Variants in AIFM3 observed in about 807,000 individuals in gnomAD.
AIFM3 encodes the protein apoptosis-inducing factor 3.
In AIFM3, 71 loss-of-function variants were observed where a neutral mutation model predicts 82.7. That is an observed-to-expected ratio of 0.86 (90% CI 0.71 to 1.05). The LOEUF (loss-of-function observed/expected upper bound fraction) is 1.05. Ranked by LOEUF, AIFM3 falls within the 50% of genes least tolerant of loss-of-function variation. AIFM3 has a pLI of 0.00. For synonymous variants in AIFM3, 337 were observed against 329.1 expected, an observed-to-expected ratio of 1.02 and a Z score of -0.26; for missense variants, 748 against 816.7, an observed-to-expected ratio of 0.92 and a Z score of 1.03.
At chr22:20,969,578 C>T (rs562524081) in intron 2 of AIFM3, among the ~76,000 whole-genome samples, 26 of 152,230 alleles carry the variant, frequency 1.7e-4, no homozygotes, top group Admixed American at 7.9e-4. Context: ...TACAGGCGCC[C>T]GCCACCACGC....
intron 14 of AIFM3, 127 bp from the exon 15 acceptor site, chr22:20,977,573 G>T: frequency 8.7e-7 from 1 of 1,155,200 alleles, no homozygotes; most frequent in East Asian, 2.5e-5. Context: ...GTGCATGAAG[G>T]CCTCAGGTAG....
rs570348375 is a variant in AIFM3, at chr22:20,976,536, T to C, written c.1028T>C (p.Leu343Pro). Reference sequence around the variant, plus strand: ...GTGGTCGTCGTGGGAGCCGGCTTCCTGGGTGAGAGGTAGTGGGCAGTGGAG... The same window carrying C: ...GTGGTCGTCGTGGGAGCCGGCTTCCCGGGTGAGAGGTAGTGGGCAGTGGAG... ...RNVVVVGAGF[L>P]GMEVAAYLTE... is the part of the protein sequence containing the mutation. The change falls in exon 11 of 21, where the codon CTG becomes CCG. Residue 343 changes from leucine (L) to proline (P), a missense_variant and splice_region_variant. Physicochemically the swap from Leu to Pro is moderately conservative, Grantham distance 98. This residue lies in a region of AIFM3 where 393 missense variants were observed against 481.1 expected (regional missense o/e 0.82). Transcript: ENST00000440238. The C allele has an allele frequency of 1.9e-5, 31 of 1,613,276 alleles. No individual in the cohort carries two copies. The highest frequency in any genetic ancestry group is 1.6e-4 in the Middle Eastern group (1 of 6,062).
rs141335687 is a variant in AIFM3, at chr22:20,977,041, G to A, written c.1228G>A (p.Val410Ile). Reference protein sequence around the residue: ...LRGQEGKLKEVVLKSSKVVRA... With the variant: ...LRGQEGKLKEIVLKSSKVVRA... ...CACCCACTCCCCACAGCTGAAGGAG[G>A]TTGTGCTGAAGAGCAGCAAGGTCGT... The change falls in exon 14 of 21, where the codon GTT (valine) becomes ATT (isoleucine). Residue 410 changes from valine to isoleucine, a missense_variant. Physicochemically the swap from Val to Ile is conservative, Grantham distance 29. Transcript: ENST00000440238. 2.4e-5 allele frequency: 39 copies of A among 1,614,096 alleles called. No homozygotes were observed. The highest frequency in any genetic ancestry group is 1.5e-4 in the South Asian group (14 of 91,094).
At chr22:20,973,046 CAA>C (rs3045996) in intron 2 of AIFM3, among the ~76,000 whole-genome samples, 2 of 144,672 alleles carry the variant, frequency 1.4e-5, no homozygotes, top group African/African-American at 2.5e-5. Context: ...GACCCTGTCT[CAA>C]AAAAAAAAAG....
intron 19 of AIFM3, chr22:20,980,502 G>C: frequency 1.6e-6 from 1 of 609,464 alleles, no homozygotes; most frequent in East Asian, 2.7e-5. Context: ...CCTCCACATA[G>C]ATGGTGGGGG....
Position 20,973,440 on chromosome 22 carries a change from G to A in AIFM3, c.165G>A (p.Leu55=). Residue 55 remains leucine, a synonymous_variant, in exon 3 of 21, where the codon CTG becomes CTA. Coordinates refer to ENST00000440238, the MANE Select transcript of AIFM3 (RefSeq NM_001386814.1). ...GCCACTTCCACACGGAGGAGCGCCT[G>A]TCCACCCCTCACCCCTACCCCAGCC... is the stretch of plus-strand genomic sequence containing the variant. ...TARHFHTEER[L]STPHPYPSPQ... 6.2e-7 allele frequency: 1 copy of A among 1,613,226 alleles called. No individual in the cohort carries two copies. Among genetic ancestry groups the A allele is most frequent in the Non-Finnish European group, 8.5e-7 (1 of 1,179,996 alleles).
chr22:20,973,781 G>C lies in AIFM3; in HGVS notation c.269G>C (p.Trp90Ser). Residue 90 changes from tryptophan (W) to serine (S), a missense_variant, in exon 4 of 21, where the codon TGG (tryptophan) becomes TCG (serine). Trp to Ser is a radical substitution (Grantham distance 177). This residue lies in a region of AIFM3 where 148 missense variants were observed against 134.1 expected (regional missense o/e 1.10). Coordinates refer to ENST00000440238, the MANE Select transcript of AIFM3 (RefSeq NM_001386814.1). ...AGGATGCGGGAAGTGGAGCTGGGCT[G>C]GGGGAAGGTGTTGCTGGTGAAGGAC... ...NGQMREVELGWGKVLLVKDNG... is the reference protein window; with the variant it reads ...NGQMREVELGSGKVLLVKDNG... 6.3e-7 allele frequency: 1 copy of C among 1,578,338 alleles called. No homozygotes were observed. The highest frequency in any genetic ancestry group is 8.6e-7 in the Non-Finnish European group (1 of 1,162,146).
intron 3 of AIFM3, 62 bp from the exon 4 acceptor site, chr22:20,973,696 A>C: frequency 2.1e-6 from 3 of 1,454,842 alleles, no homozygotes; most frequent in Non-Finnish European, 1.8e-6. Flanking sequence ...GGACACTGGG[A>C]GGAGCTGCCA....
At chr22:20,977,171 T>C in intron 14 of AIFM3, 76 bp downstream of exon 14, 2 of 1,580,134 alleles carry the variant, frequency 1.3e-6, no homozygotes, top group Non-Finnish European at 1.7e-6. Flanking sequence ...CTTGGGCTAG[T>C]CCCTTCCCCT....
Position 20,967,646 on chromosome 22 carries a change from A to G in AIFM3, c.-140-159A>G, listed in dbSNP as rs1922980678. On this transcript the variant is annotated intron_variant, in intron 1 of 20. Transcript: ENST00000440238. ...CTGAGCTTGGAGGGCTTCAAAGGGG[A>G]GGTGACCTCCAGGGCCCCACGCTCT... 4 of 499,770 alleles carry G rather than the reference A, an allele frequency of 8.0e-6. No homozygotes were observed. In the East Asian group the frequency reaches 1.4e-4, roughly 17 times the overall value. The allele number at this position is 499,770 out of a possible 1,614,324, so 31.0% of individuals were successfully genotyped here. A position where few individuals can be genotyped will look rare whatever the true frequency, so the allele number is the denominator to read the frequency against.
rs1289673706 is a variant in AIFM3 at position 20,974,642 on chromosome 22, G to A, written c.607+21G>A. 1.9e-6 allele frequency: 3 copies of A among 1,613,302 alleles called. No individual in the cohort carries two copies. The Admixed American group carries it at 5.0e-5, about 27-fold the overall frequency. ...TGCAGGTTGGTAGTGGGGTCATGAG[G>A]GGCAGGGTGGGAGATGGGATTGGTG... On this transcript the variant is annotated intron_variant, in intron 7 of 20. Coordinates refer to ENST00000440238, the MANE Select transcript of AIFM3 (RefSeq NM_001386814.1).
intron 14 of AIFM3, 24 bp downstream of exon 14, chr22:20,977,119 G>T: frequency 6.2e-7 from 1 of 1,613,624 alleles, no homozygotes; most frequent in South Asian, 1.1e-5. Flanking sequence ...TGGGCAGGCA[G>T]GCACAAAGCA....
At chr22:20,980,689 T>TA in intron 19 of AIFM3, 58 bp from the exon 20 acceptor site, 2 of 1,612,696 alleles carry the variant, frequency 1.2e-6, no homozygotes, top group Non-Finnish European at 1.7e-6. Flanking sequence ...GGGGACATGA[T>TA]AAATGACATG....
rs754586397 is a variant in AIFM3 at position 20,977,753 on chromosome 22, C to T, written c.1336C>T (p.Arg446Ter). 139 of 1,614,010 alleles carry T rather than the reference C, an allele frequency of 8.6e-5. No individual in the cohort carries two copies. Among genetic ancestry groups the T allele is most frequent in the Non-Finnish European group, 1.1e-4 (135 of 1,180,036 alleles). ...LRQSGIGLDSRGFIPVNKMMQ... is the reference protein window; with the variant it reads ...LRQSGIGLDS ...GCAAAGCGGCATCGGTTTGGATTCC[C>T]GAGGCTTCATCCCTGTCAACAAGGT... The change falls in exon 15 of 21, where the codon CGA becomes TGA. Residue 446 changes from arginine (R) to a stop codon, truncating the protein, a stop_gained. Transcript: ENST00000440238. LOFTEE classifies it high-confidence loss of function.
chr22:20,975,163 C>T lies in AIFM3; in HGVS notation c.720+347C>T, dbSNP rs1254844752. 4.7e-5 allele frequency among the ~76,000 whole-genome samples: 7 copies of T among 147,746 alleles called. No homozygotes were observed. In the East Asian group the frequency reaches 1.2e-3, roughly 26 times the overall value. On this transcript the variant is annotated intron_variant, in intron 8 of 20. Coordinates refer to ENST00000440238, the MANE Select transcript of AIFM3 (RefSeq NM_001386814.1). ...TGTATTTTTAGTAGAGATGGGGTTT[C>T]ACCATGTTGCCCAGACCAGTCTTGA...
At position 20,974,079 on chromosome 22, in the gene AIFM3, T is replaced by C. The variant is rs766601186; in HGVS notation, c.372T>C (p.Gly124=). 6.2e-7 allele frequency: 1 copy of C among 1,610,292 alleles called. No homozygotes were observed. Among genetic ancestry groups the C allele is most frequent in the East Asian group, 2.2e-5 (1 of 44,798 alleles). The change falls in exon 5 of 21, where the codon GGT becomes GGC. Residue 124 remains glycine, a synonymous_variant. Coordinates refer to ENST00000440238, the MANE Select transcript of AIFM3 (RefSeq NM_001386814.1). ...CCTTCCCAGGCGTTCTGTCCCGTGGTCGGGTGCGCTGCCCCTGGCACGGCG... is the reference window on the plus strand; with the variant it reads ...CCTTCCCAGGCGTTCTGTCCCGTGGCCGGGTGCGCTGCCCCTGGCACGGCG... ...APLVKGVLSR[G]RVRCPWHGAC...
intron 2 of AIFM3, 149 bp downstream of exon 2, chr22:20,968,124 C>A: frequency 1.2e-6 from 1 of 816,256 alleles, no homozygotes; most frequent in Non-Finnish European, 1.9e-6. Context: ...ACGCTGCCGC[C>A]AGGAGGGGGT....
rs369219792 is a variant in AIFM3, at chr22:20,976,676, G to A, written c.1056G>A (p.Thr352=). The A allele has an allele frequency of 3.4e-5, 55 of 1,609,768 alleles. No homozygotes were observed. Among genetic ancestry groups the A allele is most frequent in the Non-Finnish European group, 3.9e-5 (46 of 1,177,936 alleles). The change falls in exon 12 of 21, where the codon ACG becomes ACA. Residue 352 remains threonine (T), a synonymous_variant. Coordinates refer to ENST00000440238, the MANE Select transcript of AIFM3 (RefSeq NM_001386814.1). ...GGATGGAGGTGGCCGCTTACCTGAC[G>A]GAGAAGGCCCACTCTGTGTCTGTGG... The part of the protein sequence containing the change: ...FLGMEVAAYL[T]EKAHSVSVVE...
intron 10 of AIFM3, 47 bp from the exon 11 acceptor site, chr22:20,976,361 G>C (rs745621478): frequency 6.1e-5 from 98 of 1,613,500 alleles, no homozygotes; most frequent in Non-Finnish European, 7.9e-5. Context: ...TGGCCTGGAC[G>C]GGGCTGGGGC....
Sources: gnomAD v4.1 joint callset for allele counts (sites outside exome capture counted in the v4.1 genomes callset) on GRCh38, gnomAD v4.1.1 for gene constraint, gnomAD v4.1.1 regional missense constraint, MANE v1.5 for transcripts, NCBI Gene and HGNC (gene_info 2026-07-23, HGNC 2026-07-21) for gene names.